Variants in PLEKHA8 observed in about 807,000 individuals in gnomAD.
The protein encoded by PLEKHA8 is pleckstrin homology domain containing A8, also known as pleckstrin homology domain-containing family A member 8.
PLEKHA8 carries 36 observed loss-of-function variants against 68.2 expected under a neutral mutation model. The ratio of observed to expected loss-of-function variants is 0.53; its 90% CI spans 0.40 to 0.70. The LOEUF is 0.70. Among genes scored for constraint, PLEKHA8 ranks in the 30% least tolerant of loss-of-function variants. The probability of loss-of-function intolerance (pLI) is 0.00; values close to 1 mark genes in which losing one functional copy is unlikely to be tolerated. For synonymous variants in PLEKHA8, 211 were observed against 216.1 expected (o/e 0.98, Z 0.20); for missense variants, 505 against 615.4 (o/e 0.82, Z 1.90).
rs1005509024 is a variant in PLEKHA8 at position 30,083,075 on chromosome 7, A to T, written c.*4288A>T. On this transcript the variant is annotated 3_prime_UTR_variant, in exon 14 of 14. Transcript: ENST00000449726. ...CTTTTTTAAATTTTAAAATTTTTAG[A>T]TGTAGAGTTTATAAGTAAAATATAT... 2.0e-6 allele frequency: 2 copies of T among 982,040 alleles called. No homozygotes were observed. The highest frequency in any genetic ancestry group is 2.4e-6 in the Non-Finnish European group (2 of 827,254). The allele number at this position is 982,040 out of a possible 1,614,324, so 60.8% of individuals were successfully genotyped here.
At chr7:30,064,717 T>G (rs1282546475) in intron 12 of PLEKHA8, among the ~76,000 whole-genome samples, 1 of 152,146 alleles carries the variant, frequency 6.6e-6, no homozygotes, top group Non-Finnish European at 1.5e-5. Context: ...TTTACAAAGC[T>G]TAGGTGCCAA....
downstream of PLEKHA8, chr7:30,130,146 A>C (rs1796849355): frequency 6.6e-6 from 1 of 152,156 alleles, no homozygotes; most frequent in Non-Finnish European, 1.5e-5. Flanking sequence ...TGCTCTTGGG[A>C]CCTCTCTCTA....
intron 13 of PLEKHA8, among the ~76,000 whole-genome samples, chr7:30,120,877 A>C (rs1456302550): frequency 2.6e-5 from 4 of 152,210 alleles, no homozygotes; most frequent in Non-Finnish European, 2.9e-5. Flanking sequence ...CTGATCATCC[A>C]AACTGTGACA....
At chr7:30,115,603 T>TGC (rs1796421249) in intron 13 of PLEKHA8, among the ~76,000 whole-genome samples, 1 of 150,266 alleles carries the variant, frequency 6.7e-6, no homozygotes, top group Non-Finnish European at 1.5e-5. Context: ...CATGTATACA[T>TGC]ACATTTATAC....
intron 1 of PLEKHA8, 106 bp downstream of exon 1, chr7:30,028,908 C>T (rs935642296): frequency 2.6e-6 from 3 of 1,159,468 alleles, no homozygotes; most frequent in Non-Finnish European, 3.3e-6. Context: ...ACGGCCCTTT[C>T]CTGAGGCCAG....
chr7:30,056,795 ATGT>A (rs1793016322), intron 9 of PLEKHA8, among the ~76,000 whole-genome samples: 1 of 137,330 alleles, frequency 7.3e-6, no homozygotes, highest in African/African-American at 2.7e-5. Flanking sequence ...GTATATATAT[ATGT>A]TATGTGTATA....
chr7:30,040,215 T>C (rs896134738), intron 1 of PLEKHA8, among the ~76,000 whole-genome samples: 13 of 152,234 alleles, frequency 8.5e-5, no homozygotes, highest in African/African-American at 3.1e-4. Context: ...GTTCATTTAA[T>C]GGAAAAATCT....
exon 13 of PLEKHA8, chr7:30,090,654 C>G (rs1241579953): frequency 2.3e-6 from 1 of 442,948 alleles, no homozygotes; most frequent in African/African-American, 2.1e-5. Context: ...ATTTTCATAG[C>G]AGAGACTTGA....
At position 30,055,488 on chromosome 7, in the gene PLEKHA8, A is replaced by G. The variant is rs887154921; in HGVS notation, c.1039+146A>G. The G allele has an allele frequency of 6.7e-5, 45 of 672,942 alleles. No individual in the cohort carries two copies. In the Admixed American group the frequency reaches 1.0e-3, roughly 16 times the overall value. 41.7% of individuals were successfully genotyped at this position (672,942 alleles called of 1,614,324 possible). ...AAATCACCAGACACATACAGTTAAAACTGTGTGACCTTAAGCATTATTGCA... is the reference window on the plus strand; with the variant it reads ...AAATCACCAGACACATACAGTTAAAGCTGTGTGACCTTAAGCATTATTGCA... On this transcript the variant is annotated intron_variant, in intron 9 of 13. Coordinates refer to ENST00000449726, the MANE Select transcript of PLEKHA8 (RefSeq NM_001197026.2).
chr7:30,036,764 AGGC>A (rs1791131903), intron 1 of PLEKHA8, among the ~76,000 whole-genome samples: 1 of 152,232 alleles, frequency 6.6e-6, no homozygotes, highest in African/African-American at 2.4e-5. Flanking sequence ...TCACTCCTTG[AGGC>A]TGGGATCTTT....
Position 30,079,241 on chromosome 7 carries a change from A to T in PLEKHA8, c.*454A>T. 1.0e-6 allele frequency: 1 copy of T among 994,898 alleles called. No homozygotes were observed. The highest frequency in any genetic ancestry group is 5.6e-5 in the Admixed American group (1 of 17,962). The allele number at this position is 994,898 out of a possible 1,614,324, so 61.6% of individuals were successfully genotyped here. ...ATAAGCTGCTTTGTTGAAGCTGTGT[A>T]GAGTTTGCTGTTCCTAGATGTTCTT... On this transcript the variant is annotated 3_prime_UTR_variant, in exon 14 of 14. Transcript: ENST00000449726.
chr7:30,124,944 TA>T (rs940427509), intron 13 of PLEKHA8, among the ~76,000 whole-genome samples: 1 of 151,926 alleles, frequency 6.6e-6, no homozygotes, highest in African/African-American at 2.4e-5. Context: ...TAGGAAAAAA[TA>T]AAAAAAATCA....
chr7:30,049,100 T>G, intron 4 of PLEKHA8, 124 bp from the exon 5 acceptor site: 1 of 1,128,850 alleles, frequency 8.9e-7, no homozygotes, highest in South Asian at 1.4e-5. Context: ...TTATAACTGA[T>G]GTACATATTT....
chr7:30,109,126 CTT>C (rs1796174329), intron 13 of PLEKHA8, among the ~76,000 whole-genome samples: 2 of 152,136 alleles, frequency 1.3e-5, no homozygotes, highest in Admixed American at 6.5e-5. Flanking sequence ...CACTCTCTCT[CTT>C]TCTCTCTCTC....
At chr7:30,105,311 TAAAAAAAA>T (rs59891172) in intron 13 of PLEKHA8, among the ~76,000 whole-genome samples, 18 of 53,738 alleles carry the variant, frequency 3.3e-4, no homozygotes, top group African/African-American at 8.1e-4. Flanking sequence ...TCTCTATAAT[TAAAAAAAA>T]AAAAAAAAAA....
chr7:30,076,942 T>C (rs905351352), intron 13 of PLEKHA8, among the ~76,000 whole-genome samples: 6 of 152,198 alleles, frequency 3.9e-5, no homozygotes, highest in African/African-American at 1.2e-4. Flanking sequence ...TCAGCAGTTA[T>C]ACTCTACTGA....
chr7:30,033,035 A>G (rs1264290750), intron 1 of PLEKHA8, among the ~76,000 whole-genome samples: 1 of 152,200 alleles, frequency 6.6e-6, no homozygotes, highest in Admixed American at 6.5e-5. Context: ...CCTATATACT[A>G]TATATACTAG....
At chr7:30,041,419 A>ATTTTT (rs59541222) in intron 1 of PLEKHA8, among the ~76,000 whole-genome samples, 2 of 120,198 alleles carry the variant, frequency 1.7e-5, no homozygotes, top group Non-Finnish European at 1.7e-5. Flanking sequence ...TACCAGCTAC[A>ATTTTT]TTTTTTTTTT....
chr7:30,074,604 G>A (rs1343329661), intron 13 of PLEKHA8, among the ~76,000 whole-genome samples: 1 of 152,096 alleles, frequency 6.6e-6, no homozygotes, highest in Non-Finnish European at 1.5e-5. Flanking sequence ...ATGCATTCAG[G>A]TGATGAAGTC....
Sources: allele counts gnomAD v4.1 joint callset (sites outside exome capture counted in the v4.1 genomes callset), GRCh38; gene constraint gnomAD v4.1.1; transcripts MANE v1.5; gene names NCBI Gene and HGNC (gene_info 2026-07-23, HGNC 2026-07-21).